Variants in ADK observed in about 807,000 individuals in gnomAD.
ADK encodes the protein N6,N6-dimethyladenosine kinase.
A neutral mutation model predicts 44.7 loss-of-function variants in ADK; 24 were observed. The ratio of observed to expected loss-of-function variants is 0.54; its 90% CI spans 0.39 to 0.76. The LOEUF is 0.76. ADK is among the 30% of genes least tolerant of loss of function. The pLI, the probability that ADK is intolerant of heterozygous loss-of-function variation, is 0.00. For missense variants in ADK, 321 were observed against 425.1 expected (o/e 0.76, Z 2.15); for synonymous variants, 128 against 142.6 (o/e 0.90, Z 0.73).
intron 4 of ADK, among the ~76,000 whole-genome samples, chr10:74,384,550 A>T (rs1410045875): frequency 2.6e-5 from 4 of 152,062 alleles, no homozygotes; most frequent in Non-Finnish European, 5.9e-5. Flanking sequence ...TGCACCTGTA[A>T]TCCCAGCTAC....
chr10:74,608,624 C>A (rs1357648370), intron 9 of ADK, among the ~76,000 whole-genome samples: 1 of 152,104 alleles, frequency 6.6e-6, no homozygotes, highest in East Asian at 1.9e-4. Context: ...GAGGGGCACC[C>A]GCCAGATGCC....
At chr10:74,552,999 A>T (rs550851459) in intron 7 of ADK, among the ~76,000 whole-genome samples, 9 of 152,112 alleles carry the variant, frequency 5.9e-5, no homozygotes, top group African/African-American at 2.2e-4. Flanking sequence ...GGGACCACAC[A>T]TTTGAAAAAC....
At chr10:74,256,503 C>T (rs1845830475) in intron 3 of ADK, among the ~76,000 whole-genome samples, 1 of 151,778 alleles carries the variant, frequency 6.6e-6, no homozygotes, top group African/African-American at 2.4e-5. Context: ...AAGATTTAAA[C>T]TTTTTGAAGG....
chr10:74,522,217 A>G (rs1848863378), intron 6 of ADK, among the ~76,000 whole-genome samples: 1 of 152,236 alleles, frequency 6.6e-6, no homozygotes. Context: ...AGACATGGAT[A>G]GTTGTAGAGA....
At chr10:74,329,106 C>CAAAAAAAAAAAAAAA (rs138730631) in intron 4 of ADK, among the ~76,000 whole-genome samples, 1 of 82,122 alleles carries the variant, frequency 1.2e-5, no homozygotes, top group Non-Finnish European at 2.2e-5. Context: ...TCTGTGCAGG[C>CAAAAAAAAAAAAAAA]AAAAAAAAAA....
intron 7 of ADK, among the ~76,000 whole-genome samples, chr10:74,582,590 A>C (rs1851408675): frequency 6.6e-6 from 1 of 152,196 alleles, no homozygotes; most frequent in Non-Finnish European, 1.5e-5. Flanking sequence ...CACTTTGTGA[A>C]ACAGTTAAGT....
chr10:74,219,867 A>T (rs1282587319), intron 2 of ADK, among the ~76,000 whole-genome samples: 1 of 151,594 alleles, frequency 6.6e-6, no homozygotes, highest in Non-Finnish European at 1.5e-5. Context: ...CACATTCAAA[A>T]TAGTGTGTAG....
intron 2 of ADK, among the ~76,000 whole-genome samples, chr10:74,222,771 A>G (rs1042795275): frequency 2.0e-5 from 3 of 151,186 alleles, no homozygotes; most frequent in Admixed American, 6.6e-5. Flanking sequence ...ACAAAAAACC[A>G]AACACCGCAT....
chr10:74,537,649 G>A (rs1260915371), intron 7 of ADK, among the ~76,000 whole-genome samples: 1 of 151,928 alleles, frequency 6.6e-6, no homozygotes, highest in Non-Finnish European at 1.5e-5. Context: ...TGCCTTTCAA[G>A]GCTCCATAAT....
At position 74,339,824 on chromosome 10, in the gene ADK, A is replaced by G. The variant is rs76319683; in HGVS notation, c.273+25079A>G. Among the ~76,000 whole-genome samples, 16 of 152,326 alleles carry G rather than the reference A, an allele frequency of 1.1e-4. No homozygotes were observed. In the East Asian group the frequency reaches 2.3e-3, roughly 22 times the overall value. ...GAATCACTCCCTAGGTACAAGATCA[A>G]TTACTGTTCATTTTATTCACCTGAA... On this transcript the variant is annotated intron_variant, in intron 4 of 10. Coordinates refer to ENST00000539909, the MANE Select transcript of ADK (RefSeq NM_006721.4).
intron 7 of ADK, among the ~76,000 whole-genome samples, chr10:74,571,016 A>C (rs1049609525): frequency 1.3e-5 from 2 of 152,186 alleles, no homozygotes; most frequent in Non-Finnish European, 2.9e-5. Flanking sequence ...GAATTTTATC[A>C]AAGGCCTTTT....
At chr10:74,515,119 A>G (rs929712122) in intron 6 of ADK, among the ~76,000 whole-genome samples, 1 of 152,132 alleles carries the variant, frequency 6.6e-6, no homozygotes, top group Admixed American at 6.5e-5. Context: ...TTTTAATTTT[A>G]TGGAATAGAT....
Position 74,503,167 on chromosome 10 carries a change from C to T in ADK, c.556-22089C>T, listed in dbSNP as rs376996548. Among the ~76,000 whole-genome samples the T allele has an allele frequency of 2.3e-4, 35 of 152,240 alleles. 1 individual carries two copies. The highest frequency in any genetic ancestry group is 6.8e-3 in the Middle Eastern group (2 of 294). ...GTTGCAACAGATACCATGTGGCCTG[C>T]AAACCTAAAATATTTATTGGGGCAT... is the stretch of plus-strand genomic sequence containing the variant. On this transcript the variant is annotated intron_variant, in intron 6 of 10. Transcript: ENST00000539909.
At chr10:74,465,571 T>C (rs1050744947) in intron 6 of ADK, among the ~76,000 whole-genome samples, 8 of 152,298 alleles carry the variant, frequency 5.3e-5, no homozygotes, top group African/African-American at 1.9e-4. Context: ...GAGATCACTT[T>C]GGAGGTCATT....
At chr10:74,294,924 C>T (rs1017166734) in intron 3 of ADK, among the ~76,000 whole-genome samples, 2 of 151,966 alleles carry the variant, frequency 1.3e-5, no homozygotes, top group African/African-American at 4.8e-5. Context: ...GATGTGATCT[C>T]GGCTCACTGC....
chr10:74,555,093 T>G lies in ADK; in HGVS notation c.726+29667T>G, dbSNP rs557342414. 3.3e-5 allele frequency among the ~76,000 whole-genome samples: 5 copies of G among 152,272 alleles called. No individual in the cohort carries two copies. In the South Asian group the frequency reaches 8.3e-4, roughly 25 times the overall value. ...AGGAAGATCACTTGAGCCCAGGAGTTCAAGACCAGCCTGGGCAACATAGGG... is the reference window on the plus strand; with the variant it reads ...AGGAAGATCACTTGAGCCCAGGAGTGCAAGACCAGCCTGGGCAACATAGGG... On this transcript the variant is annotated intron_variant, in intron 7 of 10. Transcript: ENST00000539909.
chr10:74,371,036 C>T (rs1842640941), intron 4 of ADK, among the ~76,000 whole-genome samples: 2 of 152,068 alleles, frequency 1.3e-5, no homozygotes, highest in South Asian at 4.1e-4. Flanking sequence ...GTTTCCTTTT[C>T]AAACAACACA....
intron 7 of ADK, among the ~76,000 whole-genome samples, chr10:74,569,860 C>G (rs553423791): frequency 6.6e-6 from 1 of 152,280 alleles, no homozygotes; most frequent in South Asian, 2.1e-4. Flanking sequence ...TGCCTATGTC[C>G]TGAATGGTAT....
chr10:74,559,299 A>C (rs937431827), intron 7 of ADK, among the ~76,000 whole-genome samples: 3 of 152,286 alleles, frequency 2.0e-5, no homozygotes, highest in Admixed American at 2.0e-4. Context: ...CCTGATGGCC[A>C]AAACACTCAT....
Sources: gnomAD v4.1 joint callset for allele counts (sites outside exome capture counted in the v4.1 genomes callset) on GRCh38, gnomAD v4.1.1 for gene constraint, MANE v1.5 for transcripts, NCBI Gene and HGNC (gene_info 2026-07-23, HGNC 2026-07-21) for gene names.